TRIOBP: variants seen among roughly 807,000 people sequenced by gnomAD.
TRIOBP encodes the protein TRIO and F-actin-binding protein.
Under a neutral mutation model 238.8 loss-of-function variants are expected in TRIOBP, and 169 were observed. The observed-to-expected ratio is 0.71, with a 90% confidence interval of 0.62 to 0.80. The LOEUF (loss-of-function observed/expected upper bound fraction) is 0.80. Ranked by LOEUF, TRIOBP falls within the 30% of genes least tolerant of loss-of-function variation. The pLI is 0.00. For missense variants in TRIOBP, 2,838 were observed against 3,122.6 expected (o/e 0.91, Z 2.17); for synonymous variants, 1,150 against 1,274.4 (o/e 0.90, Z 2.08).
rs779935214 is a variant in TRIOBP, at chr22:37,734,523, C to G, written c.4187C>G (p.Pro1396Arg). The change falls in exon 9 of 24, where the codon CCC (proline) becomes CGC (arginine). Residue 1396 changes from proline to arginine, a missense_variant. By Grantham distance (103) the Pro-to-Arg change is moderately radical. Transcript: ENST00000644935. Reference sequence around the variant, plus strand: ...CAGCTCCAGGGGTCCCCGCTGCCCCCCAGGACATCAGCCAGGACCCCTGAG... The same window carrying G: ...CAGCTCCAGGGGTCCCCGCTGCCCCGCAGGACATCAGCCAGGACCCCTGAG... The part of the protein sequence containing the change: ...DRQLQGSPLP[P>R]RTSARTPERE... The G allele has an allele frequency of 3.7e-6, 6 of 1,604,444 alleles. No individual in the cohort carries two copies. In the East Asian group the frequency reaches 1.1e-4, roughly 30 times the overall value.
In TRIOBP at chr22:37,725,349, G is replaced by A. The variant is rs1211089374; in HGVS notation, c.2793G>A (p.Glu931=). ...CCCCATCTCGCTCCAAGCAAAGCGA[G>A]GTTCCCTGGGCATCCATCGCCCTCC... ...TSSPSRSKQS[E]VPWASIALRP... is the part of the protein sequence containing the mutation. The change falls in exon 7 of 24, where the codon GAG becomes GAA. Residue 931 remains glutamate, a synonymous_variant. Coordinates refer to ENST00000644935, the MANE Select transcript of TRIOBP (RefSeq NM_001039141.3). 1 of 1,613,092 alleles carries A rather than the reference G, an allele frequency of 6.2e-7. No homozygotes were observed. Among genetic ancestry groups the A allele is most frequent in the South Asian group, 1.1e-5 (1 of 91,058 alleles).
In TRIOBP at chr22:37,725,507, G is replaced by A. The variant is rs1439422261; in HGVS notation, c.2951G>A (p.Gly984Asp). 1 of 1,613,234 alleles carries A rather than the reference G, an allele frequency of 6.2e-7. No individual in the cohort carries two copies. Among genetic ancestry groups the A allele is most frequent in the Non-Finnish European group, 8.5e-7 (1 of 1,179,948 alleles). ...GCCACCTCTTCCTCCCATAACCCAG[G>A]CCACCAGAGCACCTCCCGAACTTCC... ...SRATSSSHNP[G>D]HQSTSRTSSP... Residue 984 changes from glycine (G) to aspartate (D), a missense_variant, in exon 7 of 24, where the codon GGC becomes GAC. Gly to Asp is a moderately conservative substitution (Grantham distance 94). Coordinates refer to ENST00000644935, the MANE Select transcript of TRIOBP (RefSeq NM_001039141.3).
chr22:37,772,663 A>C lies in TRIOBP; in HGVS notation c.6999A>C (p.Thr2333=), dbSNP rs765730180. ...DVYVELSHIK[T]RSEREIEQLK... Reference sequence around the variant, plus strand: ...ATGTGGAGCTGAGCCACATCAAGACACGGTCTGAGCGGGAGATCGAGCAGC... The same window carrying C: ...ATGTGGAGCTGAGCCACATCAAGACCCGGTCTGAGCGGGAGATCGAGCAGC... The change falls in exon 23 of 24, where the codon ACA becomes ACC. Residue 2333 remains threonine (T), a synonymous_variant. Transcript: ENST00000644935. 2 of 1,614,152 alleles carry C rather than the reference A, an allele frequency of 1.2e-6. No individual in the cohort carries two copies. Among genetic ancestry groups the C allele is most frequent in the Non-Finnish European group, 1.7e-6 (2 of 1,180,018 alleles).
intron 12 of TRIOBP, among the ~76,000 whole-genome samples, chr22:37,754,508 G>T (rs1430687507): frequency 6.6e-6 from 1 of 151,154 alleles, no homozygotes; most frequent in Non-Finnish European, 1.5e-5. Flanking sequence ...GGGGACCATT[G>T]TCCCTGACCA....
chr22:37,702,453 C>CAAAG, intron 3 of TRIOBP, among the ~76,000 whole-genome samples: 2 of 152,092 alleles, frequency 1.3e-5, no homozygotes, highest in Non-Finnish European at 2.9e-5. Flanking sequence ...ATCCACCCGC[C>CAAAG]TCAGCCTCCC....
intron 11 of TRIOBP, among the ~76,000 whole-genome samples, chr22:37,745,488 C>G (rs1028156789): frequency 2.0e-5 from 3 of 152,148 alleles, no homozygotes; most frequent in African/African-American, 7.2e-5. Flanking sequence ...AAAAGAGCAT[C>G]TAACAAACGG....
chr22:37,732,443 G>A (rs546244143), intron 7 of TRIOBP, among the ~76,000 whole-genome samples: 5 of 138,798 alleles, frequency 3.6e-5, no homozygotes, highest in African/African-American at 1.4e-4. Flanking sequence ...CCGGGAGATG[G>A]AAGTTGCAGT....
intron 17 of TRIOBP, chr22:37,759,637 C>A: frequency 2.0e-6 from 3 of 1,535,320 alleles, no homozygotes; most frequent in Admixed American, 2.0e-5. Flanking sequence ...GAGTCACTCC[C>A]TGAACACAGG....
At chr22:37,757,149 C>A (rs1925967559) in intron 15 of TRIOBP, among the ~76,000 whole-genome samples, 1 of 152,082 alleles carries the variant, frequency 6.6e-6, no homozygotes, top group South Asian at 2.1e-4. Context: ...AGCACGTGAG[C>A]CCAGGAGTTC....
Position 37,735,322 on chromosome 22 carries a change from C to T in TRIOBP, c.4986C>T (p.Thr1662=), listed in dbSNP as rs200119998. 1 of 1,613,158 alleles carries T rather than the reference C, an allele frequency of 6.2e-7. No individual in the cohort carries two copies. The highest frequency in any genetic ancestry group is 8.5e-7 in the Non-Finnish European group (1 of 1,179,734). The stretch of plus-strand genomic sequence containing the variant: ...TGCCCAGCCCTGCCTGCACCTCCAC[C>T]CAGTGGCCAAAGATCAAAGTGACAA... The part of the protein sequence containing the change: ...VQLPSPACTS[T]QWPKIKVTRG... The change falls in exon 9 of 24, where the codon ACC becomes ACT. Residue 1662 remains threonine (T), a synonymous_variant. Transcript: ENST00000644935.
At position 37,765,810 on chromosome 22, in the gene TRIOBP, G is replaced by A. The variant is rs376260145; in HGVS notation, c.6465G>A (p.Thr2155=). Residue 2155 remains threonine (T), a synonymous_variant, in exon 18 of 24, where the codon ACG becomes ACA. Transcript: ENST00000644935. ...EWLLAEETAA[T]ASAIEAMKKA... Reference sequence around the variant, plus strand: ...TCCTGGCTGAGGAGACGGCAGCCACGGCCTCAGGTATGGACCCTGGGGGGG... The same window carrying A: ...TCCTGGCTGAGGAGACGGCAGCCACAGCCTCAGGTATGGACCCTGGGGGGG... The A allele has an allele frequency of 1.5e-5, 24 of 1,562,612 alleles. No individual in the cohort carries two copies. Among genetic ancestry groups the A allele is most frequent in the South Asian group, 4.6e-5 (4 of 87,618 alleles).
chr22:37,739,115 C>T (rs1225333557), intron 10 of TRIOBP, among the ~76,000 whole-genome samples: 1 of 152,046 alleles, frequency 6.6e-6, no homozygotes, highest in Non-Finnish European at 1.5e-5. Context: ...GAGGATGTAC[C>T]CAGTCAGCCA....
In TRIOBP at chr22:37,776,058, C is replaced by T. The variant is rs1927016205; in HGVS notation, c.*2278C>T. ...GTCCCCCCAAGACAGCTCTCCATCC[C>T]ATCCTCTGCCTCCCTTCTAGCCTCA... On this transcript the variant is annotated 3_prime_UTR_variant, in exon 24 of 24. Coordinates refer to ENST00000644935, the MANE Select transcript of TRIOBP (RefSeq NM_001039141.3). The T allele has an allele frequency of 6.6e-6, 1 of 152,314 alleles. No homozygotes were observed. The highest frequency in any genetic ancestry group is 2.4e-5 in the African/African-American group (1 of 41,458). The allele number at this position is 152,314 out of a possible 1,614,324, so 9.4% of individuals were successfully genotyped here.
At chr22:37,744,601 G>A (rs1234795881) in intron 11 of TRIOBP, among the ~76,000 whole-genome samples, 1 of 152,146 alleles carries the variant, frequency 6.6e-6, no homozygotes, top group African/African-American at 2.4e-5. Context: ...GGTGCCCAGG[G>A]CACTGGACCA....
Position 37,769,184 on chromosome 22 carries a change from C to A in TRIOBP, c.6732C>A (p.Asn2244Lys). 1 of 1,607,130 alleles carries A rather than the reference C, an allele frequency of 6.2e-7. No homozygotes were observed. The change falls in exon 20 of 24, where the codon AAC becomes AAA. Residue 2244 changes from asparagine (N) to lysine (K), a missense_variant. This residue lies in a region of TRIOBP where 2,096 missense variants were observed against 2,137.4 expected (regional missense o/e 0.98). Coordinates refer to ENST00000644935, the MANE Select transcript of TRIOBP (RefSeq NM_001039141.3). ...QQEGQELLRH[N>K]QELHGRLSEE... ...AGGGCCAGGAGCTGCTGCGCCACAA[C>A]CAGGTGGGCCTGGCCCCAGGTTGGG...
chr22:37,719,991 C>CACTGCACTCACTGTTTCACTCATCCA (rs1923740437), intron 6 of TRIOBP, among the ~76,000 whole-genome samples: 1 of 35,722 alleles, frequency 2.8e-5, no homozygotes, highest in Admixed American at 2.9e-4. Context: ...TCACTCATCC[C>CACTGCACTCACTGTTTCACTCATCCA]CCCCCGCCCT....
At chr22:37,746,071 C>CGCCGCCCT (rs1569051686) in intron 11 of TRIOBP, among the ~76,000 whole-genome samples, 47 of 148,240 alleles carry the variant, frequency 3.2e-4, no homozygotes, top group African/African-American at 1.1e-3. Flanking sequence ...CCCGCCGCCC[C>CGCCGCCCT]GCCGCCCTAG....
Position 37,738,641 on chromosome 22 carries a change from G to A in TRIOBP, c.5107-1G>A, listed in dbSNP as rs577587394. ...AGCTGTGTTCTTTTTTTAATCTCCA[G>A]TTCCAACCAGAGGAGCCTGAGGAGT... is the stretch of plus-strand genomic sequence containing the variant. On this transcript the variant is annotated splice_acceptor_variant, in intron 9 of 23. Coordinates refer to ENST00000644935, the MANE Select transcript of TRIOBP (RefSeq NM_001039141.3). LOFTEE classifies it high-confidence loss of function. 6.2e-7 allele frequency: 1 copy of A among 1,613,742 alleles called. No homozygotes were observed. Among genetic ancestry groups the A allele is most frequent in the African/African-American group, 1.3e-5 (1 of 74,878 alleles).
intron 5 of TRIOBP, among the ~76,000 whole-genome samples, chr22:37,714,375 T>C (rs542860239): frequency 6.6e-6 from 1 of 152,198 alleles, no homozygotes; most frequent in Admixed American, 6.5e-5. Context: ...TTAATTTAAT[T>C]GATTGATTGA....
Sources: gnomAD v4.1 joint callset for allele counts (sites outside exome capture counted in the v4.1 genomes callset) on GRCh38, gnomAD v4.1.1 for gene constraint, gnomAD v4.1.1 regional missense constraint, MANE v1.5 for transcripts, NCBI Gene and HGNC (gene_info 2026-07-23, HGNC 2026-07-21) for gene names.